ATP10B: variants seen among roughly 807,000 people sequenced by gnomAD.
ATP10B encodes the protein ATPase phospholipid transporting 10B (putative).
In ATP10B, 122 loss-of-function variants were observed where a neutral mutation model predicts 141.2. The observed-to-expected ratio is 0.86, with a 90% confidence interval of 0.75 to 1.00. The LOEUF (loss-of-function observed/expected upper bound fraction) is 1.00. Among genes scored for constraint, ATP10B ranks in the 50% least tolerant of loss-of-function variants. The probability of loss-of-function intolerance (pLI) is 0.00; values close to 1 mark genes in which losing one functional copy is unlikely to be tolerated. For synonymous variants in ATP10B, 685 were observed against 692.0 expected (o/e 0.99, Z 0.16); for missense variants, 1,876 against 1,825.3 (o/e 1.03, Z -0.51).
chr5:160,696,372 G>A (rs1764365107), intron 3 of ATP10B, among the ~76,000 whole-genome samples: 1 of 151,990 alleles, frequency 6.6e-6, no homozygotes. Context: ...GCCTCCCAAA[G>A]TGCTGGGATT....
intron 1 of ATP10B, among the ~76,000 whole-genome samples, chr5:160,816,582 G>A (rs1034836849): frequency 6.6e-6 from 1 of 151,906 alleles, no homozygotes; most frequent in Non-Finnish European, 1.5e-5. Flanking sequence ...TACAAGGAGG[G>A]GCTGGTACCA....
chr5:160,769,674 C>T (rs1405052947), intron 2 of ATP10B, among the ~76,000 whole-genome samples: 1 of 152,202 alleles, frequency 6.6e-6, no homozygotes, highest in East Asian at 1.9e-4. Flanking sequence ...GCAAGAAATT[C>T]ACCTCCTGAG....
chr5:160,910,162 T>TC, the ATP10B span, among the ~76,000 whole-genome samples: 1 of 152,146 alleles, frequency 6.6e-6, no homozygotes, highest in African/African-American at 2.4e-5. Context: ...GAAGCCTGTA[T>TC]CAGGGCCTTT....
At chr5:160,845,915 T>C (rs1273297436) in intron 1 of ATP10B, among the ~76,000 whole-genome samples, 1 of 152,174 alleles carries the variant, frequency 6.6e-6, no homozygotes, top group Non-Finnish European at 1.5e-5. Context: ...CTTTTCCCTA[T>C]CTTATATGAA....
the ATP10B span, among the ~76,000 whole-genome samples, chr5:160,891,223 G>A: frequency 1.7e-4 from 26 of 152,102 alleles, no homozygotes; most frequent in African/African-American, 5.1e-4. Context: ...TTACCAGACT[G>A]CCAGGTCTCC....
the ATP10B span, among the ~76,000 whole-genome samples, chr5:160,893,811 C>T: frequency 0.098 from 14,962 of 152,142 alleles, 838 homozygotes; most frequent in Non-Finnish European, 0.12. Context: ...TGGCATCTGG[C>T]GGGTGCCCCT....
intron 6 of ATP10B, among the ~76,000 whole-genome samples, chr5:160,680,723 G>A (rs1367598821): frequency 6.6e-6 from 1 of 152,188 alleles, no homozygotes; most frequent in Non-Finnish European, 1.5e-5. Flanking sequence ...CAGGGAAGCT[G>A]ACTTCATGCT....
the ATP10B span, among the ~76,000 whole-genome samples, chr5:160,897,570 C>T: frequency 2.6e-3 from 393 of 152,284 alleles, no homozygotes; most frequent in South Asian, 0.019. Flanking sequence ...ACATGTCATG[C>T]TCATGGATAG....
At chr5:160,637,494 G>A (rs546276130) in intron 10 of ATP10B, among the ~76,000 whole-genome samples, 2 of 152,224 alleles carry the variant, frequency 1.3e-5, no homozygotes, top group African/African-American at 2.4e-5. Flanking sequence ...AGTATGAGAG[G>A]TGCAATAGCA....
At chr5:160,920,075 G>A in the ATP10B span, among the ~76,000 whole-genome samples, 12 of 152,192 alleles carry the variant, frequency 7.9e-5, no homozygotes, top group African/African-American at 2.9e-4. Flanking sequence ...ATAAGCAAAT[G>A]TGAAGGGAAG....
At chr5:160,872,396 C>A in the ATP10B span, among the ~76,000 whole-genome samples, 1 of 152,228 alleles carries the variant, frequency 6.6e-6, no homozygotes, top group Non-Finnish European at 1.5e-5. Flanking sequence ...CTCCCAGCTA[C>A]TTAACTTTGC....
At chr5:160,916,270 C>T in the ATP10B span, among the ~76,000 whole-genome samples, 1 of 152,222 alleles carries the variant, frequency 6.6e-6, no homozygotes, top group Non-Finnish European at 1.5e-5. Flanking sequence ...GGCTGAGAAT[C>T]AGGAAGCCTG....
At chr5:160,827,449 G>A (rs977429449) in intron 1 of ATP10B, among the ~76,000 whole-genome samples, 3 of 152,100 alleles carry the variant, frequency 2.0e-5, no homozygotes, top group African/African-American at 7.2e-5. Context: ...CCATGTGTAT[G>A]GCTTCTTTCA....
intron 7 of ATP10B, among the ~76,000 whole-genome samples, chr5:160,654,525 G>A (rs1761345394): frequency 6.6e-6 from 1 of 152,046 alleles, no homozygotes; most frequent in South Asian, 2.1e-4. Flanking sequence ...AGCTCTTTAG[G>A]TCAGACCTAC....
chr5:160,742,091 C>A (rs7724856), intron 2 of ATP10B, among the ~76,000 whole-genome samples: 3,477 of 152,282 alleles, frequency 0.023, 123 homozygotes, highest in African/African-American at 0.079. Context: ...CAACTGACAA[C>A]CTCTCTGACT....
At chr5:160,801,453 T>G (rs1444517753) in intron 1 of ATP10B, among the ~76,000 whole-genome samples, 1 of 152,186 alleles carries the variant, frequency 6.6e-6, no homozygotes, top group Non-Finnish European at 1.5e-5. Flanking sequence ...TACTACAAAA[T>G]GGCAATCACA....
chr5:160,704,533 T>C (rs1243807916), intron 3 of ATP10B, among the ~76,000 whole-genome samples: 2 of 152,148 alleles, frequency 1.3e-5, no homozygotes, highest in Non-Finnish European at 2.9e-5. Flanking sequence ...TTAAAGACCC[T>C]AGGATTTTAG....
Position 160,620,794 on chromosome 5 carries a change from T to C in ATP10B, c.1969A>G (p.Thr657Ala). 1.2e-6 allele frequency: 2 copies of C among 1,614,196 alleles called. No individual in the cohort carries two copies. The highest frequency in any genetic ancestry group is 1.7e-6 in the Non-Finnish European group (2 of 1,180,030). ...TCATCTCTCTCATCCGAGTCTGTGG[T>C]GGCCACGTTGGCCCCTAAGCTCTCC... ...LGESLGANVA[T>A]TDSDERDDAS... Residue 657 changes from threonine (T) to alanine (A), a missense_variant, in exon 15 of 26, where the codon ACC becomes GCC. Transcript: ENST00000327245.
At chr5:160,656,813 A>G (rs7731298) in intron 7 of ATP10B, among the ~76,000 whole-genome samples, 116,670 of 152,084 alleles carry the variant, frequency 0.77, 45,573 homozygotes, top group South Asian at 0.85. Flanking sequence ...TTCACGAAAG[A>G]TTCTGTCGAT....
Sources: gnomAD v4.1 joint callset for allele counts (sites outside exome capture counted in the v4.1 genomes callset) on GRCh38, gnomAD v4.1.1 for gene constraint, MANE v1.5 for transcripts, NCBI Gene and HGNC (gene_info 2026-07-23, HGNC 2026-07-21) for gene names.